Variants in SPRED2 observed in about 807,000 individuals in gnomAD.
SPRED2 encodes the protein sprouty related EVH1 domain containing 2.
In SPRED2, 47 loss-of-function variants were observed where a neutral mutation model predicts 43.0. The observed-to-expected ratio is 1.09, with a 90% confidence interval of 0.87 to 1.40. SPRED2 has a LOEUF of 1.40. Among genes scored for constraint, SPRED2 ranks in the 40% most tolerant of loss-of-function variants. The pLI, the probability that SPRED2 is intolerant of heterozygous loss-of-function variation, is 0.00. For missense variants in SPRED2, 561 were observed against 586.4 expected, an observed-to-expected ratio of 0.96 and a Z score of 0.45; for synonymous variants, 225 against 225.7, an observed-to-expected ratio of 1.00 and a Z score of 0.03.
At chr2:65,355,974 T>G (rs1286516224) in intron 1 of SPRED2, among the ~76,000 whole-genome samples, 1 of 152,188 alleles carries the variant, frequency 6.6e-6, no homozygotes, top group African/African-American at 2.4e-5. Flanking sequence ...CAAAATTAAC[T>G]CTCACCACAT....
rs780165472 is a variant in SPRED2, at chr2:65,344,706, T to A, written c.204+13A>T. ...TTACTAATTTAACCCACGAGTTGTA[T>A]GTCTGCCATTACCAGTTTGTCTTTC... On this transcript the variant is annotated intron_variant, in intron 2 of 5. Coordinates refer to ENST00000356388, the MANE Select transcript of SPRED2 (RefSeq NM_181784.3). 1 of 1,613,236 alleles carries A rather than the reference T, an allele frequency of 6.2e-7. No individual in the cohort carries two copies. Among genetic ancestry groups the A allele is most frequent in the Non-Finnish European group, 8.5e-7 (1 of 1,179,308 alleles).
At chr2:65,413,892 C>G (rs1021513387) in intron 1 of SPRED2, among the ~76,000 whole-genome samples, 1 of 152,170 alleles carries the variant, frequency 6.6e-6, no homozygotes, top group African/African-American at 2.4e-5. Context: ...AGCGTCAAAT[C>G]TATAAACAGT....
chr2:65,317,559 A>G (rs1235605285), intron 4 of SPRED2, among the ~76,000 whole-genome samples: 1 of 91,356 alleles, frequency 1.1e-5, no homozygotes, highest in Admixed American at 1.0e-4. Flanking sequence ...CAACAACAAC[A>G]AAAACAAAAC....
intron 5 of SPRED2, among the ~76,000 whole-genome samples, chr2:65,316,094 T>C (rs866211909): frequency 2.0e-5 from 3 of 152,258 alleles, no homozygotes; most frequent in African/African-American, 7.2e-5. Flanking sequence ...TGCCCTTTTT[T>C]CTCATTTCAA....
chr2:65,393,168 T>C (rs1049811649), intron 1 of SPRED2, among the ~76,000 whole-genome samples: 2 of 152,104 alleles, frequency 1.3e-5, no homozygotes, highest in Non-Finnish European at 2.9e-5. Context: ...TGCACAGAGA[T>C]AGATGCAGTA....
chr2:65,322,516 A>G (rs924532554), intron 4 of SPRED2, among the ~76,000 whole-genome samples: 2 of 151,660 alleles, frequency 1.3e-5, no homozygotes, highest in African/African-American at 4.8e-5. Context: ...GATGGTCTCA[A>G]TCTCCTGACC....
At chr2:65,406,125 A>G (rs1348805975) in intron 1 of SPRED2, among the ~76,000 whole-genome samples, 1 of 152,108 alleles carries the variant, frequency 6.6e-6, no homozygotes, top group Non-Finnish European at 1.5e-5. Flanking sequence ...TGGTGATGAC[A>G]CTTCTTTGGG....
intron 1 of SPRED2, chr2:65,366,779 G>A (rs1259619064): frequency 7.4e-7 from 1 of 1,347,108 alleles, no homozygotes; most frequent in East Asian, 2.8e-5. Context: ...TGTACCGGAT[G>A]AGTCATCCGA....
intron 4 of SPRED2, among the ~76,000 whole-genome samples, chr2:65,326,931 C>T (rs911944248): frequency 6.6e-6 from 1 of 152,154 alleles, no homozygotes; most frequent in African/African-American, 2.4e-5. Flanking sequence ...GCCTTGACCT[C>T]TCAGGCTCAA....
chr2:65,380,409 C>T (rs268136), intron 1 of SPRED2, among the ~76,000 whole-genome samples: 73,145 of 152,044 alleles, frequency 0.48, 18,603 homozygotes, highest in African/African-American at 0.64. Flanking sequence ...GTTCCAGAGA[C>T]GCTGTCAGAA....
At chr2:65,406,615 G>C (rs1234629679) in intron 1 of SPRED2, among the ~76,000 whole-genome samples, 3 of 152,172 alleles carry the variant, frequency 2.0e-5, no homozygotes, top group African/African-American at 4.8e-5. Context: ...TGGGAAGTAG[G>C]GGTGGAAATG....
intron 4 of SPRED2, among the ~76,000 whole-genome samples, chr2:65,322,290 A>ATATATC (rs1553415723): frequency 1.3e-5 from 1 of 78,990 alleles, no homozygotes; most frequent in African/African-American, 6.1e-5. Context: ...ATATATATAT[A>ATATATC]TATATTTTTT....
chr2:65,392,577 GT>G lies in SPRED2; in HGVS notation c.26+39384del, dbSNP rs564004115. On this transcript the variant is annotated intron_variant, in intron 1 of 5. Transcript: ENST00000356388. ...GTTTATTTTTTATTTTAAGGATTTCGTTTTTTTAGTATTCATCTTATAGTCT... is the reference window on the plus strand; with the variant it reads ...GTTTATTTTTTATTTTAAGGATTTCGTTTTTTAGTATTCATCTTATAGTCT... 5.9e-5 allele frequency among the ~76,000 whole-genome samples: 9 copies of G among 152,006 alleles called. No homozygotes were observed. In the South Asian group the frequency reaches 1.0e-3, roughly 18 times the overall value.
At chr2:65,331,914 C>T in intron 4 of SPRED2, 73 bp downstream of exon 4, 1 of 1,172,232 alleles carries the variant, frequency 8.5e-7, no homozygotes, top group Non-Finnish European at 1.2e-6. Context: ...AAGTGTGCCT[C>T]ATGCCCTTAA....
chr2:65,332,694 CTT>C (rs1195982614), intron 3 of SPRED2, among the ~76,000 whole-genome samples: 4 of 152,128 alleles, frequency 2.6e-5, no homozygotes, highest in Admixed American at 6.5e-5. Context: ...AATTACAGCT[CTT>C]GTTAGAAAAC....
At chr2:65,334,009 T>C (rs1006079246) in intron 3 of SPRED2, 16 of 304,898 alleles carry the variant, frequency 5.2e-5, no homozygotes, top group Non-Finnish European at 2.0e-5. Context: ...TGGAGAATTT[T>C]TGTGTTTGCA....
intron 1 of SPRED2, among the ~76,000 whole-genome samples, chr2:65,408,256 G>A (rs1021500189): frequency 2.4e-4 from 36 of 152,264 alleles, no homozygotes; most frequent in African/African-American, 8.2e-4. Flanking sequence ...ACACTGCTGC[G>A]GACACTTTCA....
At chr2:65,370,772 C>G (rs1675104010) in intron 1 of SPRED2, among the ~76,000 whole-genome samples, 1 of 152,162 alleles carries the variant, frequency 6.6e-6, no homozygotes, top group Non-Finnish European at 1.5e-5. Context: ...GCCTGTTGGT[C>G]TTTCCATCTC....
chr2:65,317,657 C>A (rs922095389), intron 4 of SPRED2, among the ~76,000 whole-genome samples: 7 of 152,086 alleles, frequency 4.6e-5, no homozygotes, highest in Non-Finnish European at 8.8e-5. Flanking sequence ...AAAAATGAAA[C>A]CCACGTGTTT....
Sources: allele counts gnomAD v4.1 joint callset (sites outside exome capture counted in the v4.1 genomes callset), GRCh38; gene constraint gnomAD v4.1.1; transcripts MANE v1.5; gene names NCBI Gene and HGNC (gene_info 2026-07-23, HGNC 2026-07-21).